Variants in EIF4G3 observed in about 807,000 individuals in gnomAD.
The protein encoded by EIF4G3 is eukaryotic translation initiation factor 4 gamma 3.
Under a neutral mutation model 186.4 loss-of-function variants are expected in EIF4G3, and 34 were observed. The observed-to-expected ratio is 0.18, with a 90% CI of 0.14 to 0.24. EIF4G3 has a LOEUF of 0.24. Ranked by LOEUF, EIF4G3 falls within the 10% of genes least tolerant of loss-of-function variation. The pLI, the probability that EIF4G3 is intolerant of heterozygous loss-of-function variation, is 1.00. For synonymous variants in EIF4G3, 673 were observed against 679.5 expected (o/e 0.99, Z 0.15); for missense variants, 1,536 against 1,948.5 (o/e 0.79, Z 3.99).
intron 18 of EIF4G3, 97 bp from the exon 19 acceptor site, chr1:20,886,468 A>C (rs1226534689): frequency 8.3e-7 from 1 of 1,206,222 alleles, no homozygotes; most frequent in Non-Finnish European, 1.2e-6. Flanking sequence ...AAGCAATGCT[A>C]GATGCAAAGA....
intron 14 of EIF4G3, among the ~76,000 whole-genome samples, chr1:20,920,236 A>T (rs1002547898): frequency 1.3e-5 from 2 of 152,248 alleles, no homozygotes; most frequent in African/African-American, 4.8e-5. Flanking sequence ...TAAAATTGAT[A>T]GTGACATTTA....
Position 20,997,702 on chromosome 1 carries a change from CA to C in EIF4G3, c.145-70del, listed in dbSNP as rs1414337186. The C allele has an allele frequency of 4.9e-6, 6 of 1,225,576 alleles. No individual in the cohort carries two copies. In the African/African-American group the frequency reaches 6.3e-5, roughly 13 times the overall value. The allele number at this position is 1,225,576 out of a possible 1,614,324, so 75.9% of individuals were successfully genotyped here. ...GAGTCAGAAACACCACAACAAAAAC[CA>C]AAATTTCACACAATATGCCAAAAGA... On this transcript the variant is annotated intron_variant, in intron 6 of 36. Transcript: ENST00000602326.
At chr1:20,979,912 G>A (rs189563823) in intron 10 of EIF4G3, among the ~76,000 whole-genome samples, 9 of 151,960 alleles carry the variant, frequency 5.9e-5, no homozygotes, top group Admixed American at 1.3e-4. Flanking sequence ...CACCATGCCC[G>A]GCTAATTTTT....
At chr1:20,815,301 C>T (rs1382163178) in intron 34 of EIF4G3, among the ~76,000 whole-genome samples, 5 of 105,832 alleles carry the variant, frequency 4.7e-5, no homozygotes, top group South Asian at 4.2e-4. Flanking sequence ...AAGTGAGGAG[C>T]GTCTCTGCCC....
At chr1:21,122,073 G>A (rs2096935224) in intron 2 of EIF4G3, among the ~76,000 whole-genome samples, 1 of 152,136 alleles carries the variant, frequency 6.6e-6, no homozygotes, top group Non-Finnish European at 1.5e-5. Flanking sequence ...CAGGTCACAT[G>A]AGCTCCAGTC....
chr1:20,958,280 A>G (rs929339884), intron 12 of EIF4G3, among the ~76,000 whole-genome samples: 5 of 152,236 alleles, frequency 3.3e-5, no homozygotes, highest in Admixed American at 3.3e-4. Flanking sequence ...TCACATAAAA[A>G]GAATTATAAA....
intron 2 of EIF4G3, among the ~76,000 whole-genome samples, chr1:21,141,207 G>A (rs1028945044): frequency 6.6e-6 from 1 of 152,038 alleles, no homozygotes; most frequent in Non-Finnish European, 1.5e-5. Flanking sequence ...TAAACGAAGA[G>A]GTGTCAACCA....
chr1:21,067,646 A>T (rs2095294108), intron 3 of EIF4G3, among the ~76,000 whole-genome samples: 1 of 152,214 alleles, frequency 6.6e-6, no homozygotes, highest in Non-Finnish European at 1.5e-5. Flanking sequence ...ACTTCAAAAT[A>T]GAAGGGTAAA....
In EIF4G3 at chr1:20,988,436, C is replaced by T. The variant is rs145101650; in HGVS notation, c.178-6028G>A. The T allele has an allele frequency of 8.3e-3, 1,405 of 168,514 alleles. 11 individuals are homozygous for T. The highest frequency in any genetic ancestry group is 0.012 in the Non-Finnish European group (793 of 68,274). 10.4% of individuals were successfully genotyped at this position (168,514 alleles called of 1,614,324 possible). A position where few individuals can be genotyped will look rare whatever the true frequency, so the allele number is the denominator to read the frequency against. ...TCAAAGCTTCAACAGGCTGACTCTA[C>T]TGTTAGGGGCTAATGTAGCTGGTGA... On this transcript the variant is annotated intron_variant, in intron 7 of 36. Coordinates refer to ENST00000602326, the MANE Select transcript of EIF4G3 (RefSeq NM_001391906.1).
chr1:20,842,164 A>C (rs980382092), intron 29 of EIF4G3, among the ~76,000 whole-genome samples: 16 of 152,336 alleles, frequency 1.1e-4, no homozygotes, highest in Non-Finnish European at 2.2e-4. Context: ...CAATAAAAAT[A>C]TTTGATATAT....
At chr1:21,010,292 C>T (rs1271264759) in intron 4 of EIF4G3, among the ~76,000 whole-genome samples, 1 of 151,784 alleles carries the variant, frequency 6.6e-6, no homozygotes, top group South Asian at 2.1e-4. Context: ...TGGTGGCTTG[C>T]GCCCATAGTC....
At chr1:21,090,720 C>A (rs1042658469) in intron 2 of EIF4G3, among the ~76,000 whole-genome samples, 19 of 152,176 alleles carry the variant, frequency 1.2e-4, no homozygotes, top group Non-Finnish European at 1.3e-4. Context: ...GTTCCTAAAC[C>A]TTGCCCCACT....
intron 20 of EIF4G3, among the ~76,000 whole-genome samples, chr1:20,873,545 T>A (rs1010957709): frequency 6.6e-6 from 1 of 152,158 alleles, no homozygotes; most frequent in African/African-American, 2.4e-5. Flanking sequence ...TACATGAACA[T>A]CTTCAACATT....
rs777978392 is a variant in EIF4G3 at position 21,176,865 on chromosome 1, T to C, written c.-599A>G. On this transcript the variant is annotated 5_prime_UTR_variant, in exon 1 of 37. Coordinates refer to ENST00000602326, the MANE Select transcript of EIF4G3 (RefSeq NM_001391906.1). ...ACGAGCAGAGCATCCAACATGGCGC[T>C]GTGGCCGCCTCCAGCAGTCCGGCAG... The C allele has an allele frequency of 2.3e-5, 16 of 699,580 alleles. No individual in the cohort carries two copies. The highest frequency in any genetic ancestry group is 1.6e-4 in the South Asian group (11 of 67,560). The allele number at this position is 699,580 out of a possible 1,614,324, so 43.3% of individuals were successfully genotyped here. A position where few individuals can be genotyped will look rare whatever the true frequency, so the allele number is the denominator to read the frequency against.
intron 8 of EIF4G3, among the ~76,000 whole-genome samples, chr1:20,982,138 G>C (rs72652993): frequency 0.039 from 5,917 of 152,230 alleles, 174 homozygotes; most frequent in South Asian, 0.056. Context: ...GAGCCTTCTA[G>C]AATAGTTTGC....
intron 2 of EIF4G3, among the ~76,000 whole-genome samples, chr1:21,137,668 A>T (rs1171033914): frequency 6.6e-6 from 1 of 151,804 alleles, no homozygotes; most frequent in Non-Finnish European, 1.5e-5. Flanking sequence ...TAATAATAAC[A>T]ATAATAGCCA....
chr1:20,836,872 T>C (rs1190572349), intron 30 of EIF4G3, among the ~76,000 whole-genome samples: 3 of 152,220 alleles, frequency 2.0e-5, no homozygotes, highest in Non-Finnish European at 2.9e-5. Context: ...AACACACTGT[T>C]TGAAGTGCAT....
chr1:20,830,510 T>C (rs2064849089), intron 30 of EIF4G3, among the ~76,000 whole-genome samples: 1 of 152,296 alleles, frequency 6.6e-6, no homozygotes, highest in South Asian at 2.1e-4. Flanking sequence ...GTACCACTGA[T>C]GAAATATAAT....
At chr1:21,035,512 T>C (rs919227006) in intron 4 of EIF4G3, among the ~76,000 whole-genome samples, 38 of 152,184 alleles carry the variant, frequency 2.5e-4, no homozygotes, top group Admixed American at 6.5e-5. Context: ...CAGCATCTGC[T>C]CTGGTCTCCA....
Sources: allele counts gnomAD v4.1 joint callset (sites outside exome capture counted in the v4.1 genomes callset), GRCh38; gene constraint gnomAD v4.1.1; transcripts MANE v1.5; gene names NCBI Gene and HGNC (gene_info 2026-07-23, HGNC 2026-07-21).